The following COL27A1 variants were observed in gnomAD, a reference collection of about 807,000 sequenced individuals.
COL27A1 encodes the protein collagen type XXVII alpha 1 chain.
A neutral mutation model predicts 251.3 loss-of-function variants in COL27A1; 106 were observed. The ratio of observed to expected loss-of-function variants is 0.42; its 90% CI spans 0.36 to 0.50. The LOEUF (loss-of-function observed/expected upper bound fraction) is 0.50, where lower values mean the gene tolerates loss of function less well. Ranked by LOEUF, COL27A1 falls within the 20% of genes least tolerant of loss-of-function variation. The pLI, the probability that COL27A1 is intolerant of heterozygous loss-of-function variation, is 0.00. For missense variants in COL27A1, 2,325 were observed against 2,522.8 expected, an observed-to-expected ratio of 0.92 and a Z score of 1.68; for synonymous variants, 1,000 against 986.3, an observed-to-expected ratio of 1.01 and a Z score of -0.26.
rs373599694 is a variant in COL27A1, at chr9:114,309,286, G to A, written c.5244G>A (p.Gln1748=). The change falls in exon 60 of 61, where the codon CAG becomes CAA. Residue 1748 remains glutamine (Q), a synonymous_variant. Coordinates refer to ENST00000356083, the MANE Select transcript of COL27A1 (RefSeq NM_032888.4). ...TCGAGTTTGCCATCAGCCGGGTCCA[G>A]ATGAATTTCCTGCACCTGCTAAGCT... ...SKVEFAISRV[Q]MNFLHLLSSE... 7 of 1,614,152 alleles carry A rather than the reference G, an allele frequency of 4.3e-6. No homozygotes were observed. Among genetic ancestry groups the A allele is most frequent in the South Asian group, 2.2e-5 (2 of 91,084 alleles).
intron 16 of COL27A1, 111 bp from the exon 17 acceptor site, chr9:114,235,488 C>T: frequency 3.5e-6 from 3 of 850,414 alleles, no homozygotes; most frequent in East Asian, 2.4e-5. Flanking sequence ...TGGCCGGATC[C>T]GACTTGGGAA....
rs149629527 is a variant in COL27A1, at chr9:114,306,644, G to A, written c.5063G>A (p.Arg1688Gln). The A allele has an allele frequency of 1.5e-3, 2,459 of 1,614,150 alleles. 20 individuals are homozygous for A. The highest frequency in any genetic ancestry group is 1.3e-3 in the Middle Eastern group (8 of 6,062). ...CTGGGCACCAAAGAGAACCCCGCCC[G>A]GGTCTGCAGGGACCTCATGGACTGT... ...TPLGTKENPA[R>Q]VCRDLMDCEQ... Residue 1688 changes from arginine (R) to glutamine (Q), a missense_variant, in exon 58 of 61, where the codon CGG becomes CAG. Arg to Gln is a conservative substitution (Grantham distance 43). Coordinates refer to ENST00000356083, the MANE Select transcript of COL27A1 (RefSeq NM_032888.4).
At chr9:114,260,461 C>T (rs1328794472) in intron 28 of COL27A1, among the ~76,000 whole-genome samples, 1 of 152,196 alleles carries the variant, frequency 6.6e-6, no homozygotes, top group African/African-American at 2.4e-5. Flanking sequence ...TGATTCTGGG[C>T]AAGTCCTGAT....
intron 23 of COL27A1, among the ~76,000 whole-genome samples, chr9:114,244,670 G>T (rs1832990114): frequency 6.6e-6 from 1 of 152,220 alleles, no homozygotes; most frequent in Admixed American, 6.5e-5. Context: ...CCAGGGAGGA[G>T]CCGAAGGGGG....
intron 32 of COL27A1, among the ~76,000 whole-genome samples, chr9:114,265,889 G>T (rs1229351074): frequency 1.3e-5 from 2 of 152,214 alleles, no homozygotes; most frequent in African/African-American, 2.4e-5. Flanking sequence ...GAGGCAGCAG[G>T]CTCCAGTCGC....
intron 49 of COL27A1, among the ~76,000 whole-genome samples, chr9:114,298,758 C>G (rs967384013): frequency 6.6e-6 from 1 of 152,100 alleles, no homozygotes; most frequent in Admixed American, 6.5e-5. Flanking sequence ...AGATATGACA[C>G]CAACAAAAGC....
At chr9:114,233,426 C>T (rs1205781051) in intron 16 of COL27A1, among the ~76,000 whole-genome samples, 1 of 152,204 alleles carries the variant, frequency 6.6e-6, no homozygotes, top group Non-Finnish European at 1.5e-5. Flanking sequence ...AGCCTCCAGC[C>T]ACAACCCACC....
chr9:114,296,564 G>T (rs903491203), intron 49 of COL27A1, among the ~76,000 whole-genome samples: 2 of 152,304 alleles, frequency 1.3e-5, no homozygotes, highest in East Asian at 3.9e-4. Context: ...CCAAGTGTTG[G>T]CAAAGACATG....
intron 1 of COL27A1, among the ~76,000 whole-genome samples, chr9:114,156,920 A>C (rs1292340720): frequency 6.6e-6 from 1 of 152,010 alleles, no homozygotes; most frequent in Non-Finnish European, 1.5e-5. Flanking sequence ...TCCTGCCCCC[A>C]GGACACCAGG....
chr9:114,177,314 C>A (rs1197792635), intron 3 of COL27A1, among the ~76,000 whole-genome samples: 1 of 152,186 alleles, frequency 6.6e-6, no homozygotes, highest in Non-Finnish European at 1.5e-5. Flanking sequence ...CACAGATGCT[C>A]CTTAAATGCT....
rs200912572 is a variant in COL27A1, at chr9:114,168,674, G to T, written c.1119G>T (p.Ser373=). ...CCAAAAGCCTCCCTACCAAGCCTTCGGCCCCTTCTACTTCAATTGTGCCCA... is the reference window on the plus strand; with the variant it reads ...CCAAAAGCCTCCCTACCAAGCCTTCTGCCCCTTCTACTTCAATTGTGCCCA... ...KIPKSLPTKP[S]APSTSIVPIK... The change falls in exon 3 of 61, where the codon TCG becomes TCT. Residue 373 remains serine, a synonymous_variant. Coordinates refer to ENST00000356083, the MANE Select transcript of COL27A1 (RefSeq NM_032888.4). The T allele has an allele frequency of 1.2e-6, 2 of 1,614,058 alleles. No individual in the cohort carries two copies. The highest frequency in any genetic ancestry group is 1.7e-6 in the Non-Finnish European group (2 of 1,180,012).
At chr9:114,161,892 A>G (rs923710148) in intron 1 of COL27A1, among the ~76,000 whole-genome samples, 2 of 151,818 alleles carry the variant, frequency 1.3e-5, no homozygotes, top group African/African-American at 4.8e-5. Context: ...CTAGGGGAGT[A>G]TTTTTGTGGC....
In COL27A1 at chr9:114,260,819, G is replaced by T. The variant is rs911739967; in HGVS notation, c.3195+2225G>T. The stretch of plus-strand genomic sequence containing the variant: ...GTTCCCAGCTGTGGAACCCCAGGCC[G>T]GTTTCTTAACCTCTCAGAGCCTTTC... On this transcript the variant is annotated intron_variant, in intron 28 of 60. Transcript: ENST00000356083. 1.1e-4 allele frequency among the ~76,000 whole-genome samples: 16 copies of T among 152,110 alleles called. 1 individual carries two copies. The highest frequency in any genetic ancestry group is 1.5e-5 in the Non-Finnish European group (1 of 68,024).
At chr9:114,206,168 C>G in intron 9 of COL27A1, 84 bp from the exon 10 acceptor site, 1 of 1,350,696 alleles carries the variant, frequency 7.4e-7, no homozygotes, top group South Asian at 1.2e-5. Flanking sequence ...CAGCAGAGGC[C>G]CCAAAGAGGC....
intron 31 of COL27A1, 105 bp downstream of exon 31, chr9:114,265,215 T>A: frequency 8.0e-7 from 1 of 1,243,918 alleles, no homozygotes; most frequent in Non-Finnish European, 1.2e-6. Flanking sequence ...CCTGTCCTTC[T>A]GTGGAAACCC....
rs1356994655 is a variant in COL27A1, at chr9:114,240,241, C to G, written c.2749C>G (p.Pro917Ala). ...GPEGFPGDIG[P>A]PGDNGPEGMK... ...TCAGGGATTCCCAGGAGACATCGGC[C>G]CCCCTGGCGACAATGGCCCAGAAGG... The change falls in exon 20 of 61, where the codon CCC becomes GCC. Residue 917 changes from proline to alanine, a missense_variant. Around this residue, in one of 4 missense-constraint regions of COL27A1, gnomAD observed 662 missense variants for 795.3 expected, o/e 0.83. Coordinates refer to ENST00000356083, the MANE Select transcript of COL27A1 (RefSeq NM_032888.4). 4 of 1,608,378 alleles carry G rather than the reference C, an allele frequency of 2.5e-6. No individual in the cohort carries two copies. The East Asian group carries it at 6.7e-5, about 27-fold the overall frequency.
At chr9:114,212,141 C>G (rs1231612509) in intron 12 of COL27A1, among the ~76,000 whole-genome samples, 2 of 152,222 alleles carry the variant, frequency 1.3e-5, no homozygotes, top group Non-Finnish European at 2.9e-5. Flanking sequence ...CCCTCCACCC[C>G]CAACCTAGAC....
At chr9:114,305,441 G>A (rs767846254) in intron 57 of COL27A1, among the ~76,000 whole-genome samples, 3 of 152,308 alleles carry the variant, frequency 2.0e-5, no homozygotes, top group South Asian at 2.1e-4. Context: ...CAGTGATGCC[G>A]CACAGGAGAG....
At chr9:114,304,004 C>A (rs1192960608) in intron 56 of COL27A1, among the ~76,000 whole-genome samples, 1 of 152,246 alleles carries the variant, frequency 6.6e-6, no homozygotes, top group Non-Finnish European at 1.5e-5. Flanking sequence ...TTGCATAATT[C>A]TTTGCTGTGA....
Sources: gnomAD v4.1 joint callset for allele counts (sites outside exome capture counted in the v4.1 genomes callset) on GRCh38, gnomAD v4.1.1 for gene constraint, gnomAD v4.1.1 regional missense constraint, MANE v1.5 for transcripts, NCBI Gene and HGNC (gene_info 2026-07-23, HGNC 2026-07-21) for gene names.